Variants in PTPRM observed in about 807,000 individuals in gnomAD.
PTPRM encodes the protein receptor-type tyrosine-protein phosphatase mu.
PTPRM carries 47 observed loss-of-function variants against 186.7 expected under a neutral mutation model. The ratio of observed to expected loss-of-function variants is 0.25; its 90% CI spans 0.20 to 0.32. PTPRM has a LOEUF of 0.32. Among genes scored for constraint, PTPRM ranks in the 10% least tolerant of loss-of-function variants. PTPRM has a pLI of 1.00. For missense variants in PTPRM, 1,494 were observed against 1,865.0 expected (o/e 0.80, Z 3.66); for synonymous variants, 668 against 674.9 (o/e 0.99, Z 0.16).
intron 1 of PTPRM, among the ~76,000 whole-genome samples, chr18:7,671,969 G>T (rs561630658): frequency 2.6e-5 from 4 of 152,138 alleles, no homozygotes; most frequent in Non-Finnish European, 5.9e-5. Context: ...ACGTCGTTTC[G>T]TAGGGAAGAA....
At chr18:8,241,451 A>G (rs1158357044) in intron 14 of PTPRM, among the ~76,000 whole-genome samples, 1 of 152,232 alleles carries the variant, frequency 6.6e-6, no homozygotes, top group Non-Finnish European at 1.5e-5. Context: ...AAGTGCTGTT[A>G]TTGATGAAAA....
chr18:7,976,386 C>T (rs972942192), intron 7 of PTPRM, among the ~76,000 whole-genome samples: 12 of 152,010 alleles, frequency 7.9e-5, no homozygotes, highest in Non-Finnish European at 1.8e-4. Context: ...TGGATATATG[C>T]CATTATATAG....
At chr18:8,218,246 C>T (rs919491155) in intron 14 of PTPRM, among the ~76,000 whole-genome samples, 5 of 152,130 alleles carry the variant, frequency 3.3e-5, no homozygotes, top group Non-Finnish European at 7.4e-5. Flanking sequence ...ATATTAATTA[C>T]GCTTTTAACT....
chr18:8,006,613 G>A (rs1027464067), intron 7 of PTPRM, among the ~76,000 whole-genome samples: 3 of 152,144 alleles, frequency 2.0e-5, no homozygotes, highest in African/African-American at 4.8e-5. Flanking sequence ...GAAACCATGG[G>A]TAGAACTGGG....
chr18:8,303,131 T>C (rs550370843), intron 20 of PTPRM, among the ~76,000 whole-genome samples: 2 of 152,038 alleles, frequency 1.3e-5, no homozygotes, highest in Admixed American at 6.5e-5. Context: ...GGGGCTTTAA[T>C]AATGGGCGGT....
intron 7 of PTPRM, among the ~76,000 whole-genome samples, chr18:7,975,142 G>A (rs1028287569): frequency 5.3e-5 from 8 of 152,158 alleles, no homozygotes; most frequent in Non-Finnish European, 8.8e-5. Context: ...TGGAGCAACA[G>A]GAACTCTTAT....
chr18:8,110,474 A>G (rs1166986788), intron 11 of PTPRM, among the ~76,000 whole-genome samples: 2 of 152,160 alleles, frequency 1.3e-5, no homozygotes, highest in African/African-American at 4.8e-5. Context: ...AGAGGCAAAG[A>G]TGTTTGCAGT....
At chr18:7,724,754 TCCTCGTATATTCATATATTC>T (rs2040512628) in intron 1 of PTPRM, among the ~76,000 whole-genome samples, 1 of 152,210 alleles carries the variant, frequency 6.6e-6, no homozygotes, top group African/African-American at 2.4e-5. Flanking sequence ...TGGTGGCTGT[TCCTCGTATATTCATATATTC>T]AAAATAAACT....
intron 29 of PTPRM, among the ~76,000 whole-genome samples, chr18:8,381,171 T>G (rs1471206750): frequency 1.3e-5 from 2 of 152,124 alleles, no homozygotes; most frequent in African/African-American, 4.8e-5. Flanking sequence ...TGAAGCAGGT[T>G]GTCAGGCAAG....
intron 14 of PTPRM, among the ~76,000 whole-genome samples, chr18:8,223,923 G>A (rs1228825405): frequency 1.3e-5 from 2 of 152,192 alleles, no homozygotes; most frequent in Admixed American, 6.5e-5. Context: ...CTTGATGTGA[G>A]TGAAAAGCTT....
At chr18:8,266,478 T>C (rs1366365443) in intron 19 of PTPRM, among the ~76,000 whole-genome samples, 3 of 152,200 alleles carry the variant, frequency 2.0e-5, no homozygotes, top group Non-Finnish European at 4.4e-5. Flanking sequence ...GTCACATGTA[T>C]CATTCAGAAC....
intron 1 of PTPRM, among the ~76,000 whole-genome samples, chr18:7,599,798 T>C (rs913009250): frequency 1.3e-5 from 2 of 152,182 alleles, no homozygotes; most frequent in African/African-American, 4.8e-5. Flanking sequence ...CCTCCCTTCT[T>C]GTGGCACCCT....
At chr18:7,865,538 C>A (rs550116493) in intron 2 of PTPRM, among the ~76,000 whole-genome samples, 6 of 152,154 alleles carry the variant, frequency 3.9e-5, no homozygotes, top group African/African-American at 1.4e-4. Flanking sequence ...ATGAAGCTGA[C>A]TTGATCATGG....
chr18:8,384,960 G>A (rs911719815), intron 30 of PTPRM, among the ~76,000 whole-genome samples: 8 of 152,212 alleles, frequency 5.3e-5, no homozygotes, highest in African/African-American at 1.9e-4. Flanking sequence ...CCTTGCAGTG[G>A]GTGAGAGAGA....
chr18:8,186,929 C>T (rs1215270530), intron 14 of PTPRM, among the ~76,000 whole-genome samples: 1 of 151,074 alleles, frequency 6.6e-6, no homozygotes, highest in Non-Finnish European at 1.5e-5. Context: ...CAAGGAGGGC[C>T]TCCCTTGGGA....
chr18:8,281,919 G>A (rs2094908024), intron 19 of PTPRM, among the ~76,000 whole-genome samples: 3 of 152,134 alleles, frequency 2.0e-5, no homozygotes, highest in Middle Eastern at 3.4e-3. Context: ...TACACCAAAA[G>A]CATTCTCCAT....
intron 4 of PTPRM, among the ~76,000 whole-genome samples, chr18:7,915,570 G>A (rs1296392834): frequency 6.6e-6 from 1 of 151,974 alleles, no homozygotes; most frequent in Non-Finnish European, 1.5e-5. Context: ...ACATTTTTGT[G>A]GGCTAAGTAT....
intron 19 of PTPRM, among the ~76,000 whole-genome samples, chr18:8,294,034 T>C (rs187939373): frequency 3.4e-4 from 51 of 152,188 alleles, no homozygotes; most frequent in African/African-American, 1.2e-3. Flanking sequence ...GTGAATCACT[T>C]GAGGTAAGGA....
intron 1 of PTPRM, among the ~76,000 whole-genome samples, chr18:7,676,682 T>C (rs1490135358): frequency 2.0e-5 from 3 of 148,446 alleles, no homozygotes; most frequent in African/African-American, 7.7e-5. Flanking sequence ...TGTGTGTGTG[T>C]GTGTGTGCGC....
Sources: allele counts gnomAD v4.1 joint callset (sites outside exome capture counted in the v4.1 genomes callset), GRCh38; gene constraint gnomAD v4.1.1; transcripts MANE v1.5; gene names NCBI Gene and HGNC (gene_info 2026-07-23, HGNC 2026-07-21).